PRKCB: variants seen among roughly 807,000 people sequenced by gnomAD.
The protein encoded by PRKCB is protein kinase C beta type.
PRKCB carries 13 observed loss-of-function variants against 81.5 expected under a neutral mutation model. That is an observed-to-expected ratio of 0.16 (90% CI 0.10 to 0.25). The LOEUF (loss-of-function observed/expected upper bound fraction) is 0.25, where lower values mean the gene tolerates loss of function less well. PRKCB is among the 10% of genes least tolerant of loss of function. The pLI is 1.00. For synonymous variants in PRKCB, 335 were observed against 321.4 expected (o/e 1.04, Z -0.45); for missense variants, 509 against 875.7 (o/e 0.58, Z 5.29).
intron 2 of PRKCB, among the ~76,000 whole-genome samples, chr16:23,904,844 T>G (rs1963532038): frequency 6.6e-6 from 1 of 152,066 alleles, no homozygotes; most frequent in Non-Finnish European, 1.5e-5. Context: ...AAATCTCCCC[T>G]AAGAAAGAGG....
intron 10 of PRKCB, among the ~76,000 whole-genome samples, chr16:24,160,006 T>C (rs918061441): frequency 6.6e-6 from 1 of 151,878 alleles, no homozygotes; most frequent in Admixed American, 6.6e-5. Flanking sequence ...TAAAATAAAA[T>C]AAAATATAAA....
rs116252736 is a variant in PRKCB, at chr16:24,112,452, C to T, written c.822-521C>T. The stretch of plus-strand genomic sequence containing the variant: ...ACTCAGGAAGCTGAGGCAGGAGGAT[C>T]GCTTGAACCCAGGAGCTCGAGGCTT... On this transcript the variant is annotated intron_variant, in intron 7 of 16. Coordinates refer to ENST00000643927, the MANE Select transcript of PRKCB (RefSeq NM_002738.7). Among the ~76,000 whole-genome samples, 682 of 152,176 alleles carry T rather than the reference C, an allele frequency of 4.5e-3. 7 individuals are homozygous for T. The highest frequency in any genetic ancestry group is 0.016 in the African/African-American group (644 of 41,500).
chr16:23,959,455 G>T (rs942978975), intron 2 of PRKCB, among the ~76,000 whole-genome samples: 3 of 152,216 alleles, frequency 2.0e-5, no homozygotes, highest in Admixed American at 1.3e-4. Context: ...GAAAAACGGG[G>T]TGAATGTACG....
chr16:24,017,419 G>C (rs1965293664), intron 3 of PRKCB, among the ~76,000 whole-genome samples: 1 of 152,056 alleles, frequency 6.6e-6, no homozygotes, highest in Non-Finnish European at 1.5e-5. Flanking sequence ...AAAATATCAG[G>C]AAGGACTTTC....
chr16:24,027,147 C>T (rs1965492047), intron 3 of PRKCB, among the ~76,000 whole-genome samples: 2 of 152,056 alleles, frequency 1.3e-5, no homozygotes, highest in South Asian at 4.1e-4. Context: ...CTCCCCTAGT[C>T]CCCCACCCCC....
intron 16 of PRKCB, among the ~76,000 whole-genome samples, chr16:24,194,901 A>C (rs750390812): frequency 1.3e-5 from 2 of 151,972 alleles, no homozygotes; most frequent in Middle Eastern, 3.2e-3. Context: ...CTGAATTAGA[A>C]ATAATAATAA....
chr16:24,102,962 C>T (rs1167897294), intron 7 of PRKCB, among the ~76,000 whole-genome samples: 1 of 152,082 alleles, frequency 6.6e-6, no homozygotes, highest in Non-Finnish European at 1.5e-5. Context: ...GGCACAGTCT[C>T]TGCAGGTTCA....
intron 8 of PRKCB, among the ~76,000 whole-genome samples, chr16:24,120,958 G>A (rs540059433): frequency 6.6e-6 from 1 of 152,216 alleles, no homozygotes; most frequent in South Asian, 2.1e-4. Context: ...CCACGTGCTG[G>A]GGGGTCTCCT....
intron 2 of PRKCB, among the ~76,000 whole-genome samples, chr16:23,927,986 G>A (rs556873789): frequency 6.6e-6 from 1 of 152,148 alleles, no homozygotes; most frequent in South Asian, 2.1e-4. Context: ...CATGGAGTGT[G>A]CTGGGGTTTT....
intron 3 of PRKCB, among the ~76,000 whole-genome samples, chr16:24,014,658 G>T (rs375994370): frequency 6.6e-6 from 1 of 152,182 alleles, no homozygotes; most frequent in East Asian, 1.9e-4. Context: ...TACACATCTA[G>T]AAAGCAGGCT....
intron 2 of PRKCB, chr16:23,869,081 A>G (rs1350867409): frequency 2.2e-6 from 1 of 453,702 alleles, no homozygotes; most frequent in Non-Finnish European, 4.4e-6. Flanking sequence ...TACATTTCAC[A>G]CATGGCTATG....
At chr16:23,996,249 C>T (rs1186251386) in intron 3 of PRKCB, among the ~76,000 whole-genome samples, 1 of 152,124 alleles carries the variant, frequency 6.6e-6, no homozygotes, top group African/African-American at 2.4e-5. Context: ...TAATAATTGA[C>T]TTGATAGAAT....
intron 2 of PRKCB, among the ~76,000 whole-genome samples, chr16:23,875,188 C>G (rs1249323267): frequency 5.3e-5 from 8 of 151,958 alleles, no homozygotes; most frequent in Admixed American, 1.3e-4. Context: ...CAAGCACGTG[C>G]CACCACACCT....
chr16:24,071,434 TCTAAA>T (rs1966106037), intron 5 of PRKCB, among the ~76,000 whole-genome samples: 1 of 102,790 alleles, frequency 9.7e-6, no homozygotes, highest in African/African-American at 5.5e-5. Flanking sequence ...TGAGACCCTG[TCTAAA>T]AAAAAAAAAA....
At chr16:24,132,912 C>T (rs915658293) in intron 9 of PRKCB, among the ~76,000 whole-genome samples, 1 of 152,042 alleles carries the variant, frequency 6.6e-6, no homozygotes, top group Non-Finnish European at 1.5e-5. Context: ...TCCCAAAGTG[C>T]TGGCATTACA....
intron 7 of PRKCB, among the ~76,000 whole-genome samples, chr16:24,102,262 G>T (rs1966518607): frequency 6.6e-6 from 1 of 152,200 alleles, no homozygotes; most frequent in South Asian, 2.1e-4. Context: ...TGAAGTTGAT[G>T]ACATAATAGT....
chr16:23,849,118 A>G (rs1962428218), intron 2 of PRKCB, among the ~76,000 whole-genome samples: 1 of 152,240 alleles, frequency 6.6e-6, no homozygotes, highest in South Asian at 2.1e-4. Context: ...CTGGCCTGCA[A>G]CACTTTAATT....
At chr16:23,960,600 G>C (rs931004807) in intron 2 of PRKCB, among the ~76,000 whole-genome samples, 2 of 151,996 alleles carry the variant, frequency 1.3e-5, no homozygotes, top group African/African-American at 4.8e-5. Flanking sequence ...GCATCCATTA[G>C]CTATTCTTCC....
intron 10 of PRKCB, among the ~76,000 whole-genome samples, chr16:24,170,873 C>T (rs2141965127): frequency 6.6e-6 from 1 of 152,356 alleles, no homozygotes; most frequent in South Asian, 2.1e-4. Flanking sequence ...ACACAGCCAA[C>T]AAGGGCATAG....
Sources: allele counts gnomAD v4.1 joint callset (sites outside exome capture counted in the v4.1 genomes callset), GRCh38; gene constraint gnomAD v4.1.1; transcripts MANE v1.5; gene names NCBI Gene and HGNC (gene_info 2026-07-23, HGNC 2026-07-21).